The following ARHGAP44 variants were observed in gnomAD, a reference collection of about 807,000 sequenced individuals.
ARHGAP44 encodes the protein Rho GTPase activating protein 44.
A neutral mutation model predicts 106.8 loss-of-function variants in ARHGAP44; 43 were observed. The ratio of observed to expected loss-of-function variants is 0.40; its 90% CI spans 0.32 to 0.52. The LOEUF is 0.52. ARHGAP44 is among the 20% of genes least tolerant of loss of function. The pLI, the probability that ARHGAP44 is intolerant of heterozygous loss-of-function variation, is 0.48. For synonymous variants in ARHGAP44, 439 were observed against 410.3 expected, an observed-to-expected ratio of 1.07 and a Z score of -0.85; for missense variants, 866 against 1,050.5, an observed-to-expected ratio of 0.82 and a Z score of 2.43.
intron 1 of ARHGAP44, among the ~76,000 whole-genome samples, chr17:12,836,935 C>A (rs1198297125): frequency 6.6e-6 from 1 of 152,096 alleles, no homozygotes; most frequent in Non-Finnish European, 1.5e-5. Context: ...ATCTAATTGG[C>A]AATTATAGAA....
chr17:12,894,357 G>T (rs895815045), intron 1 of ARHGAP44, among the ~76,000 whole-genome samples: 1 of 152,118 alleles, frequency 6.6e-6, no homozygotes, highest in Non-Finnish European at 1.5e-5. Flanking sequence ...GTTCCTGAGA[G>T]AATTGGCACT....
Position 12,973,323 on chromosome 17 carries a change from T to C in ARHGAP44, c.1541+4T>C. The C allele has an allele frequency of 6.2e-7, 1 of 1,607,282 alleles. No homozygotes were observed. Among genetic ancestry groups the C allele is most frequent in the Non-Finnish European group, 8.5e-7 (1 of 1,176,688 alleles). On this transcript the variant is annotated splice_donor_region_variant and intron_variant, in intron 17 of 20. Transcript: ENST00000379672. ...GCAGCCTTAGGAAAATCCAAAGGTA[T>C]GGTATCCTCTGGTAGCTATGAGGCC...
At chr17:12,854,523 A>T (rs1037150291) in intron 1 of ARHGAP44, among the ~76,000 whole-genome samples, 8 of 152,196 alleles carry the variant, frequency 5.3e-5, no homozygotes, top group Non-Finnish European at 1.0e-4. Context: ...ATGATGATAC[A>T]GTTAGTGGTT....
intron 1 of ARHGAP44, among the ~76,000 whole-genome samples, chr17:12,862,912 A>G (rs1422783249): frequency 1.3e-5 from 2 of 151,814 alleles, no homozygotes; most frequent in Non-Finnish European, 2.9e-5. Context: ...GAGGTGGGAG[A>G]TTGAGGCTGC....
At chr17:12,792,883 A>C (rs1416500029) in intron 1 of ARHGAP44, among the ~76,000 whole-genome samples, 1 of 152,210 alleles carries the variant, frequency 6.6e-6, no homozygotes, top group African/African-American at 2.4e-5. Context: ...GCGACTATGA[A>C]AAGATTTGAT....
chr17:12,977,107 T>C (rs1245958761), intron 18 of ARHGAP44, among the ~76,000 whole-genome samples: 1 of 152,122 alleles, frequency 6.6e-6, no homozygotes, highest in Non-Finnish European at 1.5e-5. Context: ...GGGCAGGCAA[T>C]GGCACCCTCT....
intron 7 of ARHGAP44, among the ~76,000 whole-genome samples, chr17:12,938,184 A>G (rs2038603217): frequency 6.6e-6 from 1 of 152,246 alleles, no homozygotes; most frequent in African/African-American, 2.4e-5. Flanking sequence ...ATCTTTGACA[A>G]TATAATGACA....
chr17:12,944,046 C>T (rs753967649), intron 9 of ARHGAP44, 23 bp from the exon 10 acceptor site: 4 of 1,577,122 alleles, frequency 2.5e-6, no homozygotes, highest in East Asian at 2.3e-5. Flanking sequence ...AGCTGACTGA[C>T]TCTTTCTCAC....
At chr17:12,898,898 G>A (rs1454494365) in intron 3 of ARHGAP44, among the ~76,000 whole-genome samples, 2 of 152,200 alleles carry the variant, frequency 1.3e-5, no homozygotes, top group African/African-American at 4.8e-5. Flanking sequence ...TAAACTGGGA[G>A]AAGTCCGCAG....
intron 1 of ARHGAP44, among the ~76,000 whole-genome samples, chr17:12,792,636 G>A (rs2033800543): frequency 6.6e-6 from 1 of 152,182 alleles, no homozygotes; most frequent in Non-Finnish European, 1.5e-5. Context: ...CAGTTATAAA[G>A]CACTTGATTT....
chr17:12,848,960 A>T (rs1226009408), intron 1 of ARHGAP44, among the ~76,000 whole-genome samples: 1 of 151,800 alleles, frequency 6.6e-6, no homozygotes, highest in Non-Finnish European at 1.5e-5. Context: ...AGGCAGGAGA[A>T]TTGCTTGAAC....
At chr17:12,928,314 C>T (rs977718757) in intron 6 of ARHGAP44, among the ~76,000 whole-genome samples, 8 of 152,192 alleles carry the variant, frequency 5.3e-5, no homozygotes, top group Non-Finnish European at 1.0e-4. Context: ...TTTCCATACT[C>T]AAATTCCCAC....
intron 1 of ARHGAP44, among the ~76,000 whole-genome samples, chr17:12,868,777 C>A (rs1381668822): frequency 2.0e-5 from 3 of 151,176 alleles, no homozygotes; most frequent in African/African-American, 7.3e-5. Context: ...CCTGCCTCAG[C>A]CTCCCAAGTA....
intron 16 of ARHGAP44, among the ~76,000 whole-genome samples, chr17:12,961,780 G>T (rs1281277630): frequency 6.6e-6 from 1 of 152,156 alleles, no homozygotes; most frequent in Non-Finnish European, 1.5e-5. Context: ...GGTTTAGGGT[G>T]GCTCTCCCTG....
intron 7 of ARHGAP44, among the ~76,000 whole-genome samples, chr17:12,939,304 C>T (rs1001430118): frequency 6.6e-6 from 1 of 151,924 alleles, no homozygotes; most frequent in East Asian, 1.9e-4. Context: ...CTGTGCTAAA[C>T]ACTTTGAGAC....
rs144822219 is a variant in ARHGAP44 at position 12,978,997 on chromosome 17, C to T, written c.1764-1061C>T. On this transcript the variant is annotated intron_variant, in intron 18 of 20. Transcript: ENST00000379672. The stretch of plus-strand genomic sequence containing the variant: ...GCCACCATGCCCGGCCCAGGTTGTG[C>T]CTGCTCTTGTGGGATAGAAACAGCC... Among the ~76,000 whole-genome samples the T allele has an allele frequency of 4.6e-3, 700 of 152,228 alleles. 4 individuals are homozygous for T. Among genetic ancestry groups the T allele is most frequent in the African/African-American group, 0.012 (509 of 41,544 alleles).
chr17:12,928,127 G>A (rs1040211535), intron 6 of ARHGAP44, among the ~76,000 whole-genome samples: 7 of 152,120 alleles, frequency 4.6e-5, no homozygotes, highest in Admixed American at 6.5e-5. Context: ...AGTTTTCTGA[G>A]TGACTTCGTT....
At chr17:12,790,187 C>T (rs1467046662) in intron 1 of ARHGAP44, 8 of 405,546 alleles carry the variant, frequency 2.0e-5, no homozygotes, top group Non-Finnish European at 3.5e-5. Context: ...CTGCCTTTCC[C>T]CGGGACTCCC....
rs367621076 is a variant in ARHGAP44, at chr17:12,943,633, T to C, written c.697T>C (p.Leu233=). 6 of 1,613,808 alleles carry C rather than the reference T, an allele frequency of 3.7e-6. No homozygotes were observed. The African/African-American group carries it at 8.0e-5, about 22-fold the overall frequency. Residue 233 remains leucine, a synonymous_variant, in exon 9 of 21, where the codon TTG becomes CTG. Coordinates refer to ENST00000379672, the MANE Select transcript of ARHGAP44 (RefSeq NM_014859.6). ...AEYHRKSLTL[L]QAVLPQIKAQ... ...ATACCACAGGAAGTCCCTGACACTA[T>C]TGCAGGCTGTATTGCCTCAGATCAA...
Sources: allele counts gnomAD v4.1 joint callset (sites outside exome capture counted in the v4.1 genomes callset), GRCh38; gene constraint gnomAD v4.1.1; transcripts MANE v1.5; gene names NCBI Gene and HGNC (gene_info 2026-07-23, HGNC 2026-07-21).